ANKRD42: variants seen among roughly 807,000 people sequenced by gnomAD.
ANKRD42 encodes the protein ankyrin repeat domain 42.
In ANKRD42, 43 loss-of-function variants were observed where a neutral mutation model predicts 51.5. The ratio of observed to expected loss-of-function variants is 0.83; its 90% confidence interval spans 0.65 to 1.08. The LOEUF (loss-of-function observed/expected upper bound fraction) is 1.08, where lower values mean the gene tolerates loss of function less well. Among genes scored for constraint, ANKRD42 ranks in the 50% least tolerant of loss-of-function variants. The pLI, the probability that ANKRD42 is intolerant of heterozygous loss-of-function variation, is 0.00. For missense variants in ANKRD42, 608 were observed against 629.3 expected (o/e 0.97, Z 0.36); for synonymous variants, 203 against 213.0 (o/e 0.95, Z 0.41).
intron 6 of ANKRD42, among the ~76,000 whole-genome samples, chr11:83,226,052 C>G (rs932684583): frequency 6.6e-6 from 1 of 152,164 alleles, no homozygotes; most frequent in East Asian, 1.9e-4. Flanking sequence ...GCCACTGCAT[C>G]CAGCCTGTAT....
At chr11:83,254,546 C>A (rs1325493857) in intron 11 of ANKRD42, among the ~76,000 whole-genome samples, 1 of 151,702 alleles carries the variant, frequency 6.6e-6, no homozygotes, top group Non-Finnish European at 1.5e-5. Context: ...ATTCTCCTGC[C>A]TCAGCCTCCT....
chr11:83,222,841 A>G (rs1179556313), intron 5 of ANKRD42, among the ~76,000 whole-genome samples: 1 of 152,194 alleles, frequency 6.6e-6, no homozygotes, highest in Non-Finnish European at 1.5e-5. Flanking sequence ...TCTGGGCTCA[A>G]GTAAACCTTC....
At chr11:83,213,591 C>G (rs1480717896) in intron 5 of ANKRD42, 1 of 1,117,824 alleles carries the variant, frequency 8.9e-7, no homozygotes, top group Non-Finnish European at 1.1e-6. Context: ...ATGGATGTAT[C>G]TCATTGCAGT....
chr11:83,222,917 T>G (rs571767744), intron 5 of ANKRD42, among the ~76,000 whole-genome samples: 32 of 152,242 alleles, frequency 2.1e-4, no homozygotes, highest in Admixed American at 1.9e-3. Flanking sequence ...ATTGGAGTGT[T>G]TTGATCACAG....
chr11:83,222,887 G>A (rs1368227017), intron 5 of ANKRD42, among the ~76,000 whole-genome samples: 1 of 152,090 alleles, frequency 6.6e-6, no homozygotes, highest in Non-Finnish European at 1.5e-5. Flanking sequence ...CTATATGCAT[G>A]TGCCACCATG....
At chr11:83,236,293 C>A in intron 7 of ANKRD42, 111 bp from the exon 8 acceptor site, 1 of 675,342 alleles carries the variant, frequency 1.5e-6, no homozygotes. Flanking sequence ...CTGCAAGGAT[C>A]AATACTTAAC....
intron 3 of ANKRD42, among the ~76,000 whole-genome samples, chr11:83,206,835 C>A (rs1862094972): frequency 6.6e-6 from 1 of 152,126 alleles, no homozygotes; most frequent in Non-Finnish European, 1.5e-5. Flanking sequence ...TAATGTATTG[C>A]CTGACCAGGG....
chr11:83,211,202 C>T, intron 4 of ANKRD42, 93 bp from the exon 5 acceptor site: 1 of 1,497,758 alleles, frequency 6.7e-7, no homozygotes, highest in Non-Finnish European at 9.3e-7. Context: ...TTAAGAACAG[C>T]CTCCAATTCT....
chr11:83,234,448 A>C (rs1219430356), intron 7 of ANKRD42, among the ~76,000 whole-genome samples: 3 of 152,170 alleles, frequency 2.0e-5, no homozygotes, highest in African/African-American at 7.2e-5. Flanking sequence ...ATTTCTTAAA[A>C]ATTTCTAACA....
At chr11:83,257,301 C>A, downstream of ANKRD42, 2 of 455,820 alleles carry the variant, frequency 4.4e-6, no homozygotes, top group South Asian at 3.1e-5. Context: ...AAACCAGCGA[C>A]AGATCTTCAG....
At chr11:83,205,929 T>G (rs1862051927) in intron 2 of ANKRD42, 129 bp from the exon 3 acceptor site, 1 of 724,210 alleles carries the variant, frequency 1.4e-6, no homozygotes, top group Admixed American at 2.8e-5. Flanking sequence ...GTGCTTGTGC[T>G]TTTGTTTTTC....
intron 10 of ANKRD42, among the ~76,000 whole-genome samples, chr11:83,247,156 C>G (rs1315960877): frequency 6.6e-6 from 1 of 151,734 alleles, no homozygotes; most frequent in Non-Finnish European, 1.5e-5. Context: ...GTCTAAGAGC[C>G]TAGCTGAAAG....
At chr11:83,242,792 T>C (rs974849153) in intron 9 of ANKRD42, among the ~76,000 whole-genome samples, 1 of 152,050 alleles carries the variant, frequency 6.6e-6, no homozygotes, top group Non-Finnish European at 1.5e-5. Context: ...CTTGAACTCC[T>C]GACCTTGTGA....
rs1290672922 is a variant in ANKRD42, at chr11:83,247,935, T to A, written c.1323-8T>A. On this transcript the variant is annotated splice_region_variant and splice_polypyrimidine_tract_variant and intron_variant, in intron 10 of 10. Coordinates refer to ENST00000533342, the MANE Select transcript of ANKRD42 (RefSeq NM_001300975.2). ...TGATTGATTTTTAAAAAATTTTGTT[T>A]TTGATAGGACCATCAAAGAACTGCA... is the stretch of plus-strand genomic sequence containing the variant. 1 of 1,577,466 alleles carries A rather than the reference T, an allele frequency of 6.3e-7. No individual in the cohort carries two copies. Among genetic ancestry groups the A allele is most frequent in the African/African-American group, 1.4e-5 (1 of 72,688 alleles).
At chr11:83,226,214 C>G (rs970567409) in intron 6 of ANKRD42, among the ~76,000 whole-genome samples, 20 of 150,600 alleles carry the variant, frequency 1.3e-4, no homozygotes, top group African/African-American at 4.9e-4. Flanking sequence ...TACACATACA[C>G]ACACACACAC....
chr11:83,214,544 C>G, intron 5 of ANKRD42: 1 of 983,008 alleles, frequency 1.0e-6, no homozygotes, highest in Non-Finnish European at 1.2e-6. Flanking sequence ...AGAATGTGGC[C>G]TTAGGTCTAG....
At position 83,194,267 on chromosome 11, in the gene ANKRD42, G is replaced by T. The variant is rs1352750166; in HGVS notation, c.-404G>T. 1 of 471,146 alleles carries T rather than the reference G, an allele frequency of 2.1e-6. No individual in the cohort carries two copies. Among genetic ancestry groups the T allele is most frequent in the South Asian group, 1.5e-5 (1 of 64,694 alleles). 29.2% of individuals were successfully genotyped at this position (471,146 alleles called of 1,614,324 possible). A position where few individuals can be genotyped will look rare whatever the true frequency, so the allele number is the denominator to read the frequency against. ...CCTTGGGAGGGAGTCAGTGACATTC[G>T]GGACCCGCGAACTAGTGACTTCGGG... On this transcript the variant is annotated 5_prime_UTR_variant, in exon 1 of 11. Transcript: ENST00000533342.
intron 5 of ANKRD42, among the ~76,000 whole-genome samples, chr11:83,212,233 C>T (rs1862350748): frequency 6.6e-6 from 1 of 152,046 alleles, no homozygotes; most frequent in Non-Finnish European, 1.5e-5. Flanking sequence ...AGGCACCTGC[C>T]ACCACGCCTG....
chr11:83,240,645 G>C, intron 8 of ANKRD42, 114 bp from the exon 9 acceptor site: 2 of 1,170,598 alleles, frequency 1.7e-6, no homozygotes, highest in Non-Finnish European at 1.2e-6. Flanking sequence ...TCCTTGGCTG[G>C]TGAGTGGATT....
Sources: allele counts gnomAD v4.1 joint callset (sites outside exome capture counted in the v4.1 genomes callset), GRCh38; gene constraint gnomAD v4.1.1; transcripts MANE v1.5; gene names NCBI Gene and HGNC (gene_info 2026-07-23, HGNC 2026-07-21).